Variants in NNT observed in about 807,000 individuals in gnomAD.
NNT encodes the protein NAD(P) transhydrogenase, mitochondrial.
In NNT, 50 loss-of-function variants were observed where a neutral mutation model predicts 104.8. The ratio of observed to expected loss-of-function variants is 0.48; its 90% CI spans 0.38 to 0.60. The LOEUF is 0.60. Among genes scored for constraint, NNT ranks in the 20% least tolerant of loss-of-function variants. The probability of loss-of-function intolerance (pLI) is 0.00; values close to 1 mark genes in which losing one functional copy is unlikely to be tolerated. For synonymous variants in NNT, 461 were observed against 490.4 expected, an observed-to-expected ratio of 0.94 and a Z score of 0.79; for missense variants, 1,131 against 1,330.7, an observed-to-expected ratio of 0.85 and a Z score of 2.33.
intron 17 of NNT, among the ~76,000 whole-genome samples, chr5:43,665,370 AGGGCCCTGCC>A (rs1280360262): frequency 6.6e-6 from 1 of 152,014 alleles, no homozygotes; most frequent in Admixed American, 6.6e-5. Context: ...TCCTAGGCAG[AGGGCCCTGCC>A]GCCTTCCACA....
intron 20 of NNT, among the ~76,000 whole-genome samples, chr5:43,701,275 T>A (rs149237896): frequency 6.6e-6 from 1 of 152,278 alleles, no homozygotes; most frequent in East Asian, 1.9e-4. Context: ...ATTGTTGCCG[T>A]ATTTATGTTC....
intron 2 of NNT, among the ~76,000 whole-genome samples, chr5:43,609,648 A>G (rs186813402): frequency 2.0e-5 from 3 of 152,342 alleles, no homozygotes; most frequent in Admixed American, 1.3e-4. Flanking sequence ...AGCCCTTCCT[A>G]ATTCCTTGTT....
At chr5:43,691,259 C>A (rs1367607159) in intron 19 of NNT, among the ~76,000 whole-genome samples, 3 of 152,164 alleles carry the variant, frequency 2.0e-5, no homozygotes, top group African/African-American at 7.2e-5. Flanking sequence ...TGCCATCATG[C>A]CCAGCTAATT....
chr5:43,672,725 G>C (rs1316727589), intron 17 of NNT, among the ~76,000 whole-genome samples: 1 of 151,114 alleles, frequency 6.6e-6, no homozygotes, highest in African/African-American at 2.4e-5. Context: ...AGGCTACTCA[G>C]GGGTCAGGGA....
intron 7 of NNT, among the ~76,000 whole-genome samples, chr5:43,641,474 G>C (rs1265514119): frequency 1.3e-5 from 2 of 151,962 alleles, no homozygotes; most frequent in African/African-American, 4.8e-5. Flanking sequence ...GCACAGAGAA[G>C]AAAATAGTCT....
At chr5:43,690,541 A>G (rs1192456309) in intron 19 of NNT, among the ~76,000 whole-genome samples, 2 of 152,200 alleles carry the variant, frequency 1.3e-5, no homozygotes, top group Admixed American at 1.3e-4. Flanking sequence ...ACCTCAAAAG[A>G]GCACACATGA....
chr5:43,606,793 G>A (rs1749248100), intron 1 of NNT, among the ~76,000 whole-genome samples: 1 of 152,070 alleles, frequency 6.6e-6, no homozygotes, highest in Non-Finnish European at 1.5e-5. Context: ...CTTATCTCCA[G>A]GAAAATTCCA....
intron 7 of NNT, among the ~76,000 whole-genome samples, chr5:43,637,047 G>C (rs2111768070): frequency 6.6e-6 from 1 of 152,234 alleles, no homozygotes; most frequent in Middle Eastern, 3.4e-3. Flanking sequence ...CTTTCTGTCT[G>C]GTTCCTTATA....
intron 17 of NNT, among the ~76,000 whole-genome samples, chr5:43,660,692 G>A (rs1392328666): frequency 6.6e-6 from 1 of 152,176 alleles, no homozygotes; most frequent in African/African-American, 2.4e-5. Context: ...AGGTGAATGG[G>A]AAGCAAGCAC....
intron 16 of NNT, among the ~76,000 whole-genome samples, chr5:43,657,846 C>T (rs1740137160): frequency 6.6e-6 from 1 of 152,012 alleles, no homozygotes; most frequent in Non-Finnish European, 1.5e-5. Flanking sequence ...AAAAGATATA[C>T]AAATGTGATT....
chr5:43,687,094 G>A (rs1237716718), intron 19 of NNT, among the ~76,000 whole-genome samples: 1 of 152,088 alleles, frequency 6.6e-6, no homozygotes, highest in Non-Finnish European at 1.5e-5. Flanking sequence ...AGAGTGGCAG[G>A]AACTGGTAAA....
intron 5 of NNT, among the ~76,000 whole-genome samples, chr5:43,620,967 A>T (rs1466547745): frequency 2.6e-5 from 4 of 152,244 alleles, no homozygotes; most frequent in East Asian, 1.9e-4. Context: ...AGCCTTTAAA[A>T]GGTGGAAAAG....
At position 43,668,737 on chromosome 5, in the gene NNT, G is replaced by C. The variant is rs566707175; in HGVS notation, c.2635-6774G>C. 4.6e-5 allele frequency among the ~76,000 whole-genome samples: 7 copies of C among 152,210 alleles called. No homozygotes were observed. In the South Asian group the frequency reaches 1.5e-3, roughly 32 times the overall value. ...ATGATGCCTCCAGCTTTGTTCTTTT[G>C]GCTTAGGATTGACCTGGCAATGTGA... On this transcript the variant is annotated intron_variant, in intron 17 of 21. Transcript: ENST00000344920.
chr5:43,631,655 G>A (rs2111723886), intron 7 of NNT, among the ~76,000 whole-genome samples: 1 of 152,248 alleles, frequency 6.6e-6, no homozygotes, highest in African/African-American at 2.4e-5. Context: ...AGAGCTAGAT[G>A]TCAGTGATAG....
intron 21 of NNT, among the ~76,000 whole-genome samples, chr5:43,703,661 C>T (rs1195055274): frequency 2.0e-5 from 3 of 152,144 alleles, no homozygotes; most frequent in African/African-American, 7.2e-5. Flanking sequence ...TAACACATGT[C>T]ATTGTAAATG....
At chr5:43,674,414 T>C (rs1234828070) in intron 17 of NNT, among the ~76,000 whole-genome samples, 3 of 152,116 alleles carry the variant, frequency 2.0e-5, no homozygotes, top group Non-Finnish European at 4.4e-5. Flanking sequence ...GTACTTATCA[T>C]TGAAGATCTT....
At chr5:43,611,996 G>T (rs910759111) in intron 2 of NNT, among the ~76,000 whole-genome samples, 1 of 152,160 alleles carries the variant, frequency 6.6e-6, no homozygotes, top group Non-Finnish European at 1.5e-5. Context: ...TTCTTGGCAA[G>T]TGTGAGAGCC....
intron 19 of NNT, among the ~76,000 whole-genome samples, chr5:43,686,441 A>ATAAT (rs1024835790): frequency 4.6e-5 from 7 of 152,082 alleles, no homozygotes; most frequent in Non-Finnish European, 1.0e-4. Context: ...CCCAACGTTT[A>ATAAT]TAATTATTGG....
chr5:43,667,680 G>T (rs1384918683), intron 17 of NNT, among the ~76,000 whole-genome samples: 1 of 152,140 alleles, frequency 6.6e-6, no homozygotes, highest in Admixed American at 6.5e-5. Flanking sequence ...GTGGACATTT[G>T]GGTTGGTTCC....
Sources: allele counts gnomAD v4.1 joint callset (sites outside exome capture counted in the v4.1 genomes callset), GRCh38; gene constraint gnomAD v4.1.1; transcripts MANE v1.5; gene names NCBI Gene and HGNC (gene_info 2026-07-23, HGNC 2026-07-21).